RAB19: variants seen among roughly 807,000 people sequenced by gnomAD.
RAB19 encodes ras-related protein Rab-19.
RAB19 carries 21 observed loss-of-function variants against 17.3 expected under a neutral mutation model. The observed-to-expected ratio is 1.21, with a 90% confidence interval of 0.86 to 1.74. The LOEUF (loss-of-function observed/expected upper bound fraction) is 1.74. RAB19 is among the 40% of genes most tolerant of loss of function. The probability of loss-of-function intolerance (pLI) is 0.00; values close to 1 mark genes in which losing one functional copy is unlikely to be tolerated. For synonymous variants in RAB19, 126 were observed against 110.4 expected, an observed-to-expected ratio of 1.14 and a Z score of -0.88; for missense variants, 277 against 286.8, an observed-to-expected ratio of 0.97 and a Z score of 0.25.
In RAB19 at chr7:140,426,379, T is replaced by G; in HGVS notation, c.*229T>G. 9.5e-6 allele frequency: 5 copies of G among 524,280 alleles called. No homozygotes were observed. The highest frequency in any genetic ancestry group is 1.7e-5 in the Non-Finnish European group (5 of 300,636). The allele number at this position is 524,280 out of a possible 1,614,324, so 32.5% of individuals were successfully genotyped here. A position where few individuals can be genotyped will look rare whatever the true frequency, so the allele number is the denominator to read the frequency against. ...ACCATTGTTTTCACTGACTCTTGAC[T>G]CCTGGAGAAGGCAGGACTTCAGGCT... On this transcript the variant is annotated 3_prime_UTR_variant, in exon 4 of 4. Transcript: ENST00000537763.
chr7:140,414,160 T>A (rs1799414616), intron 3 of RAB19, among the ~76,000 whole-genome samples: 1 of 152,126 alleles, frequency 6.6e-6, no homozygotes, highest in African/African-American at 2.4e-5. Context: ...TTCTCCTGCC[T>A]CAGCCTCCCA....
At chr7:140,412,313 G>A (rs767473830) in intron 3 of RAB19, among the ~76,000 whole-genome samples, 60 of 151,842 alleles carry the variant, frequency 4.0e-4, no homozygotes, top group East Asian at 1.4e-3. Context: ...TTAGACAGGC[G>A]TAGTGGTGGG....
intron 3 of RAB19, among the ~76,000 whole-genome samples, chr7:140,421,108 G>A (rs766639884): frequency 8.6e-5 from 13 of 152,020 alleles, no homozygotes; most frequent in Non-Finnish European, 1.6e-4. Flanking sequence ...GGTCAGGCTG[G>A]TCTTGAACCC....
intron 3 of RAB19, among the ~76,000 whole-genome samples, chr7:140,424,655 ATGTGTGTG>A (rs1159822662): frequency 9.9e-5 from 11 of 111,502 alleles, no homozygotes; most frequent in African/African-American, 5.1e-4. Flanking sequence ...GTGTGTATAT[ATGTGTGTG>A]TATATATATA....
chr7:140,408,631 A>G (rs1799293880), intron 2 of RAB19, among the ~76,000 whole-genome samples: 1 of 152,060 alleles, frequency 6.6e-6, no homozygotes, highest in African/African-American at 2.4e-5. Context: ...GCACACCACC[A>G]CACCGGGCTA....
chr7:140,413,151 AC>A, intron 3 of RAB19, among the ~76,000 whole-genome samples: 1 of 152,148 alleles, frequency 6.6e-6, no homozygotes, highest in African/African-American at 2.4e-5. Flanking sequence ...CCTTTCGCCA[AC>A]ATATGTTCTT....
chr7:140,408,810 G>T (rs1799296683), intron 2 of RAB19, among the ~76,000 whole-genome samples: 2 of 152,050 alleles, frequency 1.3e-5, no homozygotes, highest in Non-Finnish European at 2.9e-5. Context: ...TCAGGCTGAA[G>T]TGCAGTGGCA....
At chr7:140,424,967 T>C (rs947276396) in intron 3 of RAB19, among the ~76,000 whole-genome samples, 34 of 152,022 alleles carry the variant, frequency 2.2e-4, no homozygotes, top group African/African-American at 8.0e-4. Flanking sequence ...CAAACTTTTA[T>C]TGTATGTAAA....
At chr7:140,410,313 C>CTTTTTTTTTTTT (rs762151021) in intron 2 of RAB19, among the ~76,000 whole-genome samples, 5 of 81,038 alleles carry the variant, frequency 6.2e-5, no homozygotes, top group South Asian at 5.1e-4. Flanking sequence ...TTGTATTTTT[C>CTTTTTTTTTTTT]TTTTTTTTTT....
intron 3 of RAB19, among the ~76,000 whole-genome samples, chr7:140,415,810 C>G (rs951685860): frequency 6.6e-6 from 1 of 151,602 alleles, no homozygotes; most frequent in Admixed American, 6.6e-5. Flanking sequence ...GAGGCTGAGG[C>G]AGGAGACTTG....
intron 2 of RAB19, among the ~76,000 whole-genome samples, chr7:140,408,554 C>A (rs1799292504): frequency 6.6e-6 from 1 of 152,104 alleles, no homozygotes; most frequent in Non-Finnish European, 1.5e-5. Context: ...CAGCTCACTG[C>A]AATCTCTGCC....
chr7:140,421,540 A>C (rs1254428590), intron 3 of RAB19, among the ~76,000 whole-genome samples: 2 of 152,002 alleles, frequency 1.3e-5, no homozygotes, highest in Non-Finnish European at 2.9e-5. Flanking sequence ...TTATATTATG[A>C]GTAAAGATGA....
intron 3 of RAB19, among the ~76,000 whole-genome samples, chr7:140,420,282 G>A (rs1334786667): frequency 6.6e-5 from 10 of 152,126 alleles, no homozygotes; most frequent in Non-Finnish European, 8.8e-5. Flanking sequence ...ATAGCTGGGC[G>A]TGGTGGTGGG....
intron 3 of RAB19, among the ~76,000 whole-genome samples, chr7:140,420,281 C>G (rs576494414): frequency 6.6e-6 from 1 of 151,984 alleles, no homozygotes; most frequent in South Asian, 2.1e-4. Flanking sequence ...AATAGCTGGG[C>G]GTGGTGGTGG....
chr7:140,411,038 C>T, intron 2 of RAB19: 2 of 1,367,742 alleles, frequency 1.5e-6, no homozygotes, highest in Non-Finnish European at 2.0e-6. Context: ...AAAAGATGAG[C>T]CCCCAAATCT....
chr7:140,405,846 T>C (rs1330632181), intron 1 of RAB19, among the ~76,000 whole-genome samples: 22 of 142,138 alleles, frequency 1.5e-4, no homozygotes, highest in Admixed American at 1.5e-3. Context: ...CAAGGTAAAA[T>C]ATGTTTAGCA....
chr7:140,425,765 T>C (rs988959119), intron 3 of RAB19, 117 bp from the exon 4 acceptor site: 8 of 1,097,730 alleles, frequency 7.3e-6, no homozygotes, highest in Non-Finnish European at 1.1e-5. Context: ...TCAATGACCA[T>C]TTGTGAATGA....
At chr7:140,411,828 C>T in intron 2 of RAB19, 46 bp from the exon 3 acceptor site, 1 of 1,614,070 alleles carries the variant, frequency 6.2e-7, no homozygotes, top group Non-Finnish European at 8.5e-7. Flanking sequence ...GTTCCCATTA[C>T]CTGTGGGAAC....
At chr7:140,412,450 G>A (rs1297263119) in intron 3 of RAB19, among the ~76,000 whole-genome samples, 2 of 151,642 alleles carry the variant, frequency 1.3e-5, no homozygotes, top group Non-Finnish European at 2.9e-5. Context: ...ACACTCCGTC[G>A]GGGGGAAAAA....
Sources: allele counts gnomAD v4.1 joint callset (sites outside exome capture counted in the v4.1 genomes callset), GRCh38; gene constraint gnomAD v4.1.1; transcripts MANE v1.5; gene names NCBI Gene and HGNC (gene_info 2026-07-23, HGNC 2026-07-21).